CLSTN2: variants seen among roughly 807,000 people sequenced by gnomAD.
The protein encoded by CLSTN2 is calsyntenin-2.
CLSTN2 carries 48 observed loss-of-function variants against 101.2 expected under a neutral mutation model. The observed-to-expected ratio is 0.47, with a 90% CI of 0.38 to 0.60. The LOEUF is 0.60. Ranked by LOEUF, CLSTN2 falls within the 20% of genes least tolerant of loss-of-function variation. The pLI is 0.00. For missense variants in CLSTN2, 1,160 were observed against 1,238.2 expected (o/e 0.94, Z 0.95); for synonymous variants, 481 against 463.6 (o/e 1.04, Z -0.48).
At chr3:140,157,296 A>G (rs2009970880) in intron 1 of CLSTN2, among the ~76,000 whole-genome samples, 2 of 152,024 alleles carry the variant, frequency 1.3e-5, no homozygotes, top group Non-Finnish European at 2.9e-5. Context: ...GTTTTGGAAG[A>G]GTTTCAGTAG....
At chr3:140,203,610 G>A (rs2010746729) in intron 2 of CLSTN2, among the ~76,000 whole-genome samples, 2 of 151,990 alleles carry the variant, frequency 1.3e-5, no homozygotes, top group African/African-American at 4.8e-5. Flanking sequence ...CCAGTCACCT[G>A]GGATAGCTAT....
intron 1 of CLSTN2, among the ~76,000 whole-genome samples, chr3:139,996,450 C>A (rs968409064): frequency 6.6e-6 from 1 of 152,022 alleles, no homozygotes; most frequent in African/African-American, 2.4e-5. Context: ...AGTACAGTGG[C>A]GCGATCTCGG....
intron 1 of CLSTN2, among the ~76,000 whole-genome samples, chr3:140,025,876 A>G (rs2007410043): frequency 6.6e-6 from 1 of 152,130 alleles, no homozygotes; most frequent in Non-Finnish European, 1.5e-5. Context: ...ATGTAATGAA[A>G]TGATGTGGGC....
At chr3:140,142,655 G>A (rs1030711110) in intron 1 of CLSTN2, among the ~76,000 whole-genome samples, 1 of 152,108 alleles carries the variant, frequency 6.6e-6, no homozygotes, top group African/African-American at 2.4e-5. Context: ...TTGTCATTCT[G>A]CCTTTATCTG....
At chr3:140,388,600 G>A (rs546779405) in intron 2 of CLSTN2, among the ~76,000 whole-genome samples, 16 of 152,198 alleles carry the variant, frequency 1.1e-4, no homozygotes, top group Non-Finnish European at 2.2e-4. Context: ...AGGGAGACCT[G>A]AATTCAAATT....
At chr3:139,963,529 G>A (rs535174288) in intron 1 of CLSTN2, among the ~76,000 whole-genome samples, 1 of 152,124 alleles carries the variant, frequency 6.6e-6, no homozygotes, top group East Asian at 1.9e-4. Flanking sequence ...AGCATCTCTG[G>A]GGTTATTTTA....
At position 139,935,695 on chromosome 3, in the gene CLSTN2, G is replaced by T. The variant is rs1935008299; in HGVS notation, c.109+212G>T. 6.6e-6 allele frequency among the ~76,000 whole-genome samples: 1 copy of T among 152,170 alleles called. No individual in the cohort carries two copies. Among genetic ancestry groups the T allele is most frequent in the African/African-American group, 2.4e-5 (1 of 41,456 alleles). ...GGACGTCAACTCAACCCCTGGGCGG[G>T]GTCCGGGGGCTGAGCAGAAGGCGAG... On this transcript the variant is annotated intron_variant, in intron 1 of 16. Coordinates refer to ENST00000458420, the MANE Select transcript of CLSTN2 (RefSeq NM_022131.3). The surrounding 1 kb of genome is among the most constrained non-coding windows in gnomAD (Gnocchi z 5.5).
intron 4 of CLSTN2, among the ~76,000 whole-genome samples, chr3:140,420,366 A>T (rs1320230267): frequency 2.0e-5 from 3 of 152,212 alleles, no homozygotes; most frequent in Non-Finnish European, 4.4e-5. Flanking sequence ...AAAGCTTAAA[A>T]GTATTAAATT....
intron 2 of CLSTN2, among the ~76,000 whole-genome samples, chr3:140,335,316 T>C (rs527534039): frequency 6.6e-6 from 1 of 152,338 alleles, no homozygotes; most frequent in South Asian, 2.1e-4. Context: ...TCGTGTACTA[T>C]ATGGTGGTAG....
At chr3:140,352,454 T>C (rs1334929769) in intron 2 of CLSTN2, among the ~76,000 whole-genome samples, 1 of 152,228 alleles carries the variant, frequency 6.6e-6, no homozygotes, top group East Asian at 1.9e-4. Context: ...CTGGAATTGC[T>C]GTTAAGAATC....
chr3:139,938,669 T>C (rs1356505018), intron 1 of CLSTN2, among the ~76,000 whole-genome samples: 1 of 152,240 alleles, frequency 6.6e-6, no homozygotes, highest in Non-Finnish European at 1.5e-5. Context: ...ACATGTCTTA[T>C]CCAAGGGAAG....
chr3:140,102,638 G>C (rs1223815162), intron 1 of CLSTN2, among the ~76,000 whole-genome samples: 3 of 152,200 alleles, frequency 2.0e-5, no homozygotes, highest in Non-Finnish European at 4.4e-5. Context: ...TGACCTACAT[G>C]ACTCCATTGT....
At chr3:139,990,544 C>T (rs1044682669) in intron 1 of CLSTN2, among the ~76,000 whole-genome samples, 1 of 152,212 alleles carries the variant, frequency 6.6e-6, no homozygotes, top group African/African-American at 2.4e-5. Flanking sequence ...TCAAAGAGGT[C>T]ATTCACTATG....
At chr3:140,190,547 G>T (rs2010545388) in intron 2 of CLSTN2, among the ~76,000 whole-genome samples, 1 of 150,894 alleles carries the variant, frequency 6.6e-6, no homozygotes, top group Non-Finnish European at 1.5e-5. Flanking sequence ...GTGTCTTCCA[G>T]TGCAGGGGCA....
chr3:140,463,921 A>G (rs181917789), intron 7 of CLSTN2, among the ~76,000 whole-genome samples: 21 of 152,260 alleles, frequency 1.4e-4, no homozygotes, highest in Admixed American at 7.2e-4. Context: ...GGAATTATGG[A>G]AGATCAACTG....
chr3:140,399,074 T>C (rs2088213922), intron 2 of CLSTN2, among the ~76,000 whole-genome samples: 1 of 152,234 alleles, frequency 6.6e-6, no homozygotes, highest in Non-Finnish European at 1.5e-5. Flanking sequence ...GCTGCTGGCC[T>C]CCTTTTCCAC....
At chr3:140,322,476 A>G (rs2087293142) in intron 2 of CLSTN2, among the ~76,000 whole-genome samples, 1 of 152,238 alleles carries the variant, frequency 6.6e-6, no homozygotes. Context: ...CTGAGTAGGA[A>G]TCATTTCAAG....
At chr3:140,105,334 C>T (rs2009037915) in intron 1 of CLSTN2, among the ~76,000 whole-genome samples, 1 of 152,178 alleles carries the variant, frequency 6.6e-6, no homozygotes, top group African/African-American at 2.4e-5. Context: ...GAGCACAGTT[C>T]CTGGAGAGAA....
chr3:140,459,763 A>G lies in CLSTN2; in HGVS notation c.1216A>G (p.Lys406Glu). The G allele has an allele frequency of 1.2e-6, 2 of 1,612,538 alleles. No individual in the cohort carries two copies. The highest frequency in any genetic ancestry group is 8.5e-7 in the Non-Finnish European group (1 of 1,179,490). Reference sequence around the variant, plus strand: ...GGAAACCATCCTCTGCAACTCAGACAAAACCGGTGAGTCTCTAGCCCAGCC... The same window carrying G: ...GGAAACCATCCTCTGCAACTCAGACGAAACCGGTGAGTCTCTAGCCCAGCC... The part of the protein sequence containing the change: ...EKETILCNSD[K>E]TEMNRHHYAL... The change falls in exon 7 of 17, where the codon AAA becomes GAA. Residue 406 changes from lysine to glutamate, a missense_variant. Coordinates refer to ENST00000458420, the MANE Select transcript of CLSTN2 (RefSeq NM_022131.3).
Sources: allele counts gnomAD v4.1 joint callset (sites outside exome capture counted in the v4.1 genomes callset), GRCh38; gene constraint gnomAD v4.1.1; non-coding constraint Gnocchi (gnomAD v3.1); transcripts MANE v1.5; gene names NCBI Gene and HGNC (gene_info 2026-07-23, HGNC 2026-07-21).